CREB3L2: variants seen among roughly 807,000 people sequenced by gnomAD.
CREB3L2 encodes cAMP responsive element binding protein 3 like 2, also known as cyclic AMP-responsive element-binding protein 3-like protein 2.
A neutral mutation model predicts 57.2 loss-of-function variants in CREB3L2; 23 were observed. That is an observed-to-expected ratio of 0.40 (90% CI 0.29 to 0.57). The LOEUF is 0.57. Among genes scored for constraint, CREB3L2 ranks in the 20% least tolerant of loss-of-function variants. The pLI is 0.42. For missense variants in CREB3L2, 628 were observed against 634.7 expected (o/e 0.99, Z 0.11); for synonymous variants, 268 against 265.1 (o/e 1.01, Z -0.11).
At chr7:137,911,213 T>C (rs1453602654) in intron 4 of CREB3L2, among the ~76,000 whole-genome samples, 2 of 152,222 alleles carry the variant, frequency 1.3e-5, no homozygotes, top group African/African-American at 4.8e-5. Flanking sequence ...AGTGTCTCAA[T>C]ATGGATTCTA....
In CREB3L2 at chr7:137,895,642, C is replaced by CAAAA. The variant is rs759902698; in HGVS notation, c.1043+5708_1043+5711dup. ...TAGGTGGCTGCTGCTGAGTCCAGTACAAAAAAAAAAAGAAAGAAAACCATA... is the reference window on the plus strand; with the variant it reads ...TAGGTGGCTGCTGCTGAGTCCAGTACAAAAAAAAAAAAAAAGAAAGAAAACCATA... On this transcript the variant is annotated intron_variant, in intron 8 of 11. Transcript: ENST00000330387. Among the ~76,000 whole-genome samples the CAAAA allele has an allele frequency of 3.8e-3, 423 of 111,918 alleles. 18 individuals are homozygous for CAAAA. The highest frequency in any genetic ancestry group is 0.014 in the African/African-American group (387 of 27,392). The allele number at this position is 111,918 out of a possible 152,430, so 73.4% of individuals were successfully genotyped here.
chr7:137,955,349 G>T (rs1451762506), intron 1 of CREB3L2: 1 of 1,282,184 alleles, frequency 7.8e-7, no homozygotes, highest in African/African-American at 1.5e-5. Flanking sequence ...AAGCACCACA[G>T]GATGGGGGAG....
chr7:137,946,886 AGT>A (rs1801000229), intron 1 of CREB3L2, among the ~76,000 whole-genome samples: 1 of 54,170 alleles, frequency 1.8e-5, no homozygotes, highest in Non-Finnish European at 3.2e-5. Context: ...TTATCTATAT[AGT>A]TATATATATA....
intron 5 of CREB3L2, among the ~76,000 whole-genome samples, chr7:137,907,786 C>G (rs1388218869): frequency 6.6e-6 from 1 of 152,122 alleles, no homozygotes; most frequent in Non-Finnish European, 1.5e-5. Context: ...ATATGACACA[C>G]AGAAAAGGCT....
At chr7:137,894,787 G>A (rs1235924744) in intron 8 of CREB3L2, among the ~76,000 whole-genome samples, 5 of 152,210 alleles carry the variant, frequency 3.3e-5, no homozygotes. Context: ...AAGGGCCCTT[G>A]TGTCCAAGTC....
chr7:137,919,919 A>C (rs1191710697), intron 2 of CREB3L2, among the ~76,000 whole-genome samples: 1 of 152,218 alleles, frequency 6.6e-6, no homozygotes, highest in African/African-American at 2.4e-5. Flanking sequence ...CTTTTTCTTT[A>C]AATTTTATGG....
chr7:137,924,239 G>A (rs905512403), intron 2 of CREB3L2, among the ~76,000 whole-genome samples: 3 of 152,168 alleles, frequency 2.0e-5, no homozygotes, highest in Non-Finnish European at 2.9e-5. Flanking sequence ...CATTTGTGAT[G>A]CAAAGGTAGT....
Position 137,878,124 on chromosome 7 carries a change from CGA to C in CREB3L2, c.*2350_*2351del, listed in dbSNP as rs575915784. Reference sequence around the variant, plus strand: ...AGAAAGAGTCCTGCTGTTTGGAGGTCGAGAGAGAGTGACGTCAAGCAAGCGTA... The same window carrying C: ...AGAAAGAGTCCTGCTGTTTGGAGGTCGAGAGAGTGACGTCAAGCAAGCGTA... On this transcript the variant is annotated 3_prime_UTR_variant, in exon 12 of 12. Coordinates refer to ENST00000330387, the MANE Select transcript of CREB3L2 (RefSeq NM_194071.4). 3.9e-4 allele frequency: 89 copies of C among 230,484 alleles called. No individual in the cohort carries two copies. In the South Asian group the frequency reaches 4.4e-3, roughly 11 times the overall value. 14.3% of individuals were successfully genotyped at this position (230,484 alleles called of 1,614,324 possible).
chr7:137,934,958 A>C (rs1277699728), intron 1 of CREB3L2, among the ~76,000 whole-genome samples: 3 of 152,216 alleles, frequency 2.0e-5, no homozygotes, highest in African/African-American at 4.8e-5. Flanking sequence ...TTCTGAATTA[A>C]ACATCCTGCA....
intron 2 of CREB3L2, among the ~76,000 whole-genome samples, chr7:137,926,348 T>C (rs1000451321): frequency 6.6e-6 from 1 of 152,172 alleles, no homozygotes; most frequent in South Asian, 2.1e-4. Flanking sequence ...CCACCAATGA[T>C]AGACTGGATA....
chr7:137,902,897 G>A (rs912718989), intron 7 of CREB3L2, among the ~76,000 whole-genome samples: 3 of 151,984 alleles, frequency 2.0e-5, no homozygotes, highest in Admixed American at 6.6e-5. Context: ...GCTCACTGCA[G>A]CCTCAACTTC....
chr7:137,925,272 T>C (rs76730332), intron 2 of CREB3L2, among the ~76,000 whole-genome samples: 1 of 152,288 alleles, frequency 6.6e-6, no homozygotes, highest in African/African-American at 2.4e-5. Context: ...CACTTAACTG[T>C]GTGTCATCAC....
intron 1 of CREB3L2, among the ~76,000 whole-genome samples, chr7:137,963,844 T>A (rs554458265): frequency 7.9e-5 from 12 of 152,338 alleles, no homozygotes; most frequent in African/African-American, 2.9e-4. Flanking sequence ...TGTTTTTTTT[T>A]AAACAACTTA....
rs1491237233 is a variant in CREB3L2 at position 137,922,415 on chromosome 7, T to TATATATATATATAC, written c.319+5734_319+5735insGTATATATATATAT. Among the ~76,000 whole-genome samples, 21 of 23,160 alleles carry TATATATATATATAC rather than the reference T, an allele frequency of 9.1e-4. 2 individuals are homozygous for TATATATATATATAC. The highest frequency in any genetic ancestry group is 2.8e-3 in the African/African-American group (21 of 7,388). 15.2% of individuals were successfully genotyped at this position (23,160 alleles called of 152,430 possible). ...ATATATATATATATATATATATATA[T>TATATATATATATAC]GTATATATATATATATATATACGTA... is the stretch of plus-strand genomic sequence containing the variant. On this transcript the variant is annotated intron_variant, in intron 2 of 11. Transcript: ENST00000330387.
chr7:137,945,856 T>C (rs967648953), intron 1 of CREB3L2, among the ~76,000 whole-genome samples: 3 of 152,214 alleles, frequency 2.0e-5, no homozygotes, highest in African/African-American at 7.2e-5. Flanking sequence ...ATCGAAACAC[T>C]TTTTCTTTCA....
At chr7:137,924,570 C>A (rs1447674519) in intron 2 of CREB3L2, among the ~76,000 whole-genome samples, 1 of 152,188 alleles carries the variant, frequency 6.6e-6, no homozygotes, top group Admixed American at 6.5e-5. Flanking sequence ...ATAAAAGTAT[C>A]ATAAATATTT....
chr7:137,926,702 A>G (rs1159364160), intron 2 of CREB3L2, among the ~76,000 whole-genome samples: 1 of 152,224 alleles, frequency 6.6e-6, no homozygotes, highest in Non-Finnish European at 1.5e-5. Flanking sequence ...GGTGAACACC[A>G]ACACCAAGAA....
At position 137,969,847 on chromosome 7, in the gene CREB3L2, G is replaced by C. The variant is rs148556635; in HGVS notation, c.102+31757C>G. On this transcript the variant is annotated intron_variant, in intron 1 of 11. Transcript: ENST00000330387. ...AATAAGTTAATATGGTAAAATATTA[G>C]CAACTGATGGATTTAGTCAAATGAT... Among the ~76,000 whole-genome samples, 812 of 150,826 alleles carry C rather than the reference G, an allele frequency of 5.4e-3. 6 individuals are homozygous for C. The highest frequency in any genetic ancestry group is 0.019 in the African/African-American group (776 of 40,696).
chr7:137,895,469 G>A (rs1374152966), intron 8 of CREB3L2, among the ~76,000 whole-genome samples: 2 of 152,116 alleles, frequency 1.3e-5, no homozygotes. Context: ...AGGTGCTTTC[G>A]CACCACTTCA....
Sources: gnomAD v4.1 joint callset for allele counts (sites outside exome capture counted in the v4.1 genomes callset) on GRCh38, gnomAD v4.1.1 for gene constraint, MANE v1.5 for transcripts, NCBI Gene and HGNC (gene_info 2026-07-23, HGNC 2026-07-21) for gene names.